Variants in TMEFF2 observed in about 807,000 individuals in gnomAD.
TMEFF2 encodes the protein tomoregulin-2.
In TMEFF2, 28 loss-of-function variants were observed where a neutral mutation model predicts 53.8. The observed-to-expected ratio is 0.52, with a 90% CI of 0.39 to 0.71. The LOEUF (loss-of-function observed/expected upper bound fraction) is 0.71, where lower values mean the gene tolerates loss of function less well. Ranked by LOEUF, TMEFF2 falls within the 30% of genes least tolerant of loss-of-function variation. The pLI is 0.00. For synonymous variants in TMEFF2, 162 were observed against 166.3 expected (o/e 0.97, Z 0.20); for missense variants, 353 against 455.2 (o/e 0.78, Z 2.04).
chr2:192,086,501 G>T (rs1489313217), intron 4 of TMEFF2, among the ~76,000 whole-genome samples: 1 of 152,034 alleles, frequency 6.6e-6, no homozygotes, highest in Non-Finnish European at 1.5e-5. Flanking sequence ...CATCTCTTTT[G>T]TTGTGCATGC....
At chr2:192,098,289 A>C (rs2105941793) in intron 4 of TMEFF2, among the ~76,000 whole-genome samples, 1 of 152,344 alleles carries the variant, frequency 6.6e-6, no homozygotes, top group South Asian at 2.1e-4. Context: ...TGTTTGAAAA[A>C]GAATATTTAA....
At chr2:192,066,133 T>C (rs1688164969) in intron 4 of TMEFF2, among the ~76,000 whole-genome samples, 1 of 151,726 alleles carries the variant, frequency 6.6e-6, no homozygotes, top group Non-Finnish European at 1.5e-5. Context: ...GATTATGATA[T>C]ATGAGCCATA....
At chr2:192,019,285 A>T (rs980249759) in intron 5 of TMEFF2, among the ~76,000 whole-genome samples, 1 of 152,028 alleles carries the variant, frequency 6.6e-6, no homozygotes, top group South Asian at 2.1e-4. Context: ...TACTCAATAC[A>T]TCTTCATTAG....
At chr2:191,993,860 ATTTTATG>A (rs1485996682) in intron 7 of TMEFF2, among the ~76,000 whole-genome samples, 1 of 152,056 alleles carries the variant, frequency 6.6e-6, no homozygotes, top group Non-Finnish European at 1.5e-5. Flanking sequence ...GATTTTATTC[ATTTTATG>A]TTTTTCACTG....
chr2:192,013,504 G>A (rs926343842), intron 5 of TMEFF2, among the ~76,000 whole-genome samples: 16 of 149,296 alleles, frequency 1.1e-4, no homozygotes, highest in East Asian at 3.9e-4. Flanking sequence ...AGGCTGTAGC[G>A]CAGTGGCACA....
chr2:191,999,476 T>C (rs1686305126), intron 5 of TMEFF2, among the ~76,000 whole-genome samples: 1 of 152,006 alleles, frequency 6.6e-6, no homozygotes, highest in Non-Finnish European at 1.5e-5. Flanking sequence ...CCTGGAACTT[T>C]TAAAACATGT....
chr2:192,094,884 A>G (rs900329036), intron 4 of TMEFF2, among the ~76,000 whole-genome samples: 2 of 152,184 alleles, frequency 1.3e-5, no homozygotes, highest in Non-Finnish European at 2.9e-5. Flanking sequence ...ATATAGAACA[A>G]TTAGTTTTTC....
At chr2:192,088,214 C>T (rs1411681349) in intron 4 of TMEFF2, among the ~76,000 whole-genome samples, 2 of 151,602 alleles carry the variant, frequency 1.3e-5, no homozygotes, top group African/African-American at 2.4e-5. Context: ...CTAGCACATC[C>T]AAGGAAGCTA....
chr2:192,075,332 T>TATATATATATATATATATATATATAC (rs796267672), intron 4 of TMEFF2, among the ~76,000 whole-genome samples: 10 of 88,144 alleles, frequency 1.1e-4, no homozygotes, highest in African/African-American at 2.9e-4. Flanking sequence ...TATATATATA[T>TATATATATATATATATATATATATAC]ACATACATAC....
chr2:192,079,828 G>A (rs577632695), intron 4 of TMEFF2, among the ~76,000 whole-genome samples: 71 of 151,996 alleles, frequency 4.7e-4, no homozygotes, highest in African/African-American at 1.5e-3. Context: ...TTTATATATC[G>A]TGTTGTGTAA....
chr2:191,997,727 C>CTTGT (rs1395777122), intron 7 of TMEFF2, among the ~76,000 whole-genome samples: 26 of 111,838 alleles, frequency 2.3e-4, no homozygotes, highest in Non-Finnish European at 4.4e-4. Flanking sequence ...TATAATTTTG[C>CTTGT]ATGTCTGAGA....
intron 4 of TMEFF2, among the ~76,000 whole-genome samples, chr2:192,062,961 C>T (rs1017143390): frequency 9.9e-4 from 13 of 13,072 alleles, no homozygotes; most frequent in Non-Finnish European, 3.4e-3. Flanking sequence ...CTATCTAGTC[C>T]GGGAGTGTTT....
chr2:192,145,206 C>A (rs1690220951), intron 4 of TMEFF2, among the ~76,000 whole-genome samples: 1 of 151,738 alleles, frequency 6.6e-6, no homozygotes, highest in Non-Finnish European at 1.5e-5. Flanking sequence ...ATCTTGATTC[C>A]TTTGAAAAGT....
In TMEFF2 at chr2:191,956,326, C is replaced by T. The variant is rs1248674966; in HGVS notation, c.798G>A (p.Pro266=). The change falls in exon 8 of 10, where the codon CCG becomes CCA. Residue 266 remains proline, a synonymous_variant. Transcript: ENST00000272771. ...GCATGCAGAAGCCATTGTAATGTTC[C>T]GGACAAGGTATGTGGTGTTCTCTGG... ...ESAREHHIPC[P]EHYNGFCMHG... The T allele has an allele frequency of 2.5e-5, 40 of 1,613,850 alleles. No homozygotes were observed. Among genetic ancestry groups the T allele is most frequent in the South Asian group, 6.6e-5 (6 of 91,066 alleles).
chr2:192,111,199 GA>G (rs1361025891), intron 4 of TMEFF2, among the ~76,000 whole-genome samples: 3 of 152,112 alleles, frequency 2.0e-5, no homozygotes, highest in Non-Finnish European at 2.9e-5. Flanking sequence ...GCAGAGGTTG[GA>G]ACGGTTTGGA....
chr2:192,134,861 A>C (rs1033928337), intron 4 of TMEFF2, among the ~76,000 whole-genome samples: 1 of 152,206 alleles, frequency 6.6e-6, no homozygotes, highest in Non-Finnish European at 1.5e-5. Context: ...AAATCAGCCA[A>C]GCATTTTTTC....
At chr2:192,138,007 T>G (rs1690052155) in intron 4 of TMEFF2, among the ~76,000 whole-genome samples, 1 of 151,954 alleles carries the variant, frequency 6.6e-6, no homozygotes, top group Non-Finnish European at 1.5e-5. Flanking sequence ...TTAGTAGAAA[T>G]GGGGTTTCAG....
chr2:192,108,148 C>A (rs1689194407), intron 4 of TMEFF2, among the ~76,000 whole-genome samples: 1 of 151,726 alleles, frequency 6.6e-6, no homozygotes, highest in Admixed American at 6.6e-5. Context: ...TTAGAGCAGG[C>A]AATTAACTCT....
At chr2:192,110,724 GTGTT>G (rs1238176568) in intron 4 of TMEFF2, among the ~76,000 whole-genome samples, 4 of 152,026 alleles carry the variant, frequency 2.6e-5, no homozygotes, top group Admixed American at 1.3e-4. Flanking sequence ...GTTAAGATGT[GTGTT>G]TGTTATTTTG....
Sources: gnomAD v4.1 joint callset for allele counts (sites outside exome capture counted in the v4.1 genomes callset) on GRCh38, gnomAD v4.1.1 for gene constraint, MANE v1.5 for transcripts, NCBI Gene and HGNC (gene_info 2026-07-23, HGNC 2026-07-21) for gene names.